The following GRIP1 variants were observed in gnomAD, a reference collection of about 807,000 sequenced individuals.
GRIP1 encodes glutamate receptor-interacting protein 1.
GRIP1 carries 45 observed loss-of-function variants against 129.9 expected under a neutral mutation model. The ratio of observed to expected loss-of-function variants is 0.35; its 90% CI spans 0.27 to 0.44. The LOEUF (loss-of-function observed/expected upper bound fraction) is 0.44. GRIP1 is among the 20% of genes least tolerant of loss of function. GRIP1 has a pLI of 1.00. For missense variants in GRIP1, 1,196 were observed against 1,396.8 expected, an observed-to-expected ratio of 0.86 and a Z score of 2.29; for synonymous variants, 530 against 520.8, an observed-to-expected ratio of 1.02 and a Z score of -0.24.
intron 1 of GRIP1, among the ~76,000 whole-genome samples, chr12:66,923,492 A>G (rs899272433): frequency 6.6e-6 from 1 of 152,144 alleles, no homozygotes; most frequent in Non-Finnish European, 1.5e-5. Flanking sequence ...CTCCTACTCA[A>G]CAAGAGTTCT....
intron 1 of GRIP1, among the ~76,000 whole-genome samples, chr12:66,685,745 C>T (rs192557965): frequency 5.6e-4 from 86 of 152,256 alleles, no homozygotes; most frequent in African/African-American, 2.0e-3. Flanking sequence ...GACAGTACTC[C>T]CTCCATACCC....
At chr12:66,978,756 T>C (rs1216959490) in intron 1 of GRIP1, among the ~76,000 whole-genome samples, 1 of 152,176 alleles carries the variant, frequency 6.6e-6, no homozygotes, top group African/African-American at 2.4e-5. Flanking sequence ...AACAAAAAAC[T>C]ATTTTAAAAA....
chr12:66,781,271 A>G (rs963412164), intron 1 of GRIP1, among the ~76,000 whole-genome samples: 2 of 152,160 alleles, frequency 1.3e-5, no homozygotes, highest in African/African-American at 2.4e-5. Flanking sequence ...CTTGCTTTCA[A>G]TGGCATCTCT....
At chr12:66,763,116 A>G (rs2037524702) in intron 1 of GRIP1, among the ~76,000 whole-genome samples, 1 of 152,176 alleles carries the variant, frequency 6.6e-6, no homozygotes. Flanking sequence ...TAAAAAATTT[A>G]TAATTTAAAA....
At chr12:66,517,703 G>A (rs1172673110) in intron 6 of GRIP1, among the ~76,000 whole-genome samples, 198 bp downstream of exon 6, 1 of 151,996 alleles carries the variant, frequency 6.6e-6, no homozygotes, top group Non-Finnish European at 1.5e-5. Flanking sequence ...ACTTGACAAA[G>A]ATATAGTAAG....
intron 1 of GRIP1, among the ~76,000 whole-genome samples, chr12:66,641,332 C>A (rs1209830092): frequency 6.9e-6 from 1 of 145,606 alleles, no homozygotes; most frequent in Admixed American, 6.7e-5. Context: ...TTTGACAAAA[C>A]CATGTGGGAC....
chr12:67,046,433 C>T (rs932812652), intron 1 of GRIP1, among the ~76,000 whole-genome samples: 2 of 152,178 alleles, frequency 1.3e-5, no homozygotes, highest in South Asian at 2.1e-4. Context: ...GGGCTTTTTG[C>T]TCTACTAGTA....
chr12:66,359,363 ACT>A (rs1475892230), intron 23 of GRIP1, among the ~76,000 whole-genome samples: 1 of 151,952 alleles, frequency 6.6e-6, no homozygotes, highest in African/African-American at 2.4e-5. Flanking sequence ...GTTCTTCATG[ACT>A]CTATTGGCCT....
intron 1 of GRIP1, among the ~76,000 whole-genome samples, chr12:66,813,707 G>A (rs79112778): frequency 0.03 from 4,500 of 152,228 alleles, 74 homozygotes; most frequent in Middle Eastern, 0.1. Context: ...ATTGTGCCAG[G>A]GACAGGAAGG....
chr12:66,582,223 A>T (rs11176283), intron 2 of GRIP1, among the ~76,000 whole-genome samples: 21,797 of 145,440 alleles, frequency 0.15, 1,775 homozygotes, highest in Non-Finnish European at 0.17. Flanking sequence ...TGCTAAAAAC[A>T]CTCAATAAAT....
chr12:66,459,053 T>A (rs2059055566), intron 9 of GRIP1, among the ~76,000 whole-genome samples: 1 of 152,258 alleles, frequency 6.6e-6, no homozygotes, highest in Non-Finnish European at 1.5e-5. Flanking sequence ...TTTTAATGTT[T>A]GTCTGTCTGT....
intron 1 of GRIP1, among the ~76,000 whole-genome samples, chr12:66,702,344 T>C (rs1258590349): frequency 6.6e-6 from 1 of 152,198 alleles, no homozygotes; most frequent in Non-Finnish European, 1.5e-5. Context: ...GCTCTAGAAT[T>C]ATATTTCCTC....
upstream of GRIP1, chr12:67,069,222 G>A (rs1197158695): frequency 2.8e-5 from 15 of 544,880 alleles, no homozygotes; most frequent in Admixed American, 1.3e-4. Flanking sequence ...GGGCTGTTCA[G>A]CGGGGCTGGG....
Position 66,377,276 on chromosome 12 carries a change from C to T in GRIP1, c.2631G>A (p.Gly877=). 2 of 1,607,674 alleles carry T rather than the reference C, an allele frequency of 1.2e-6. No individual in the cohort carries two copies. The highest frequency in any genetic ancestry group is 1.7e-6 in the Non-Finnish European group (2 of 1,174,146). The change falls in exon 21 of 25, where the codon GGG becomes GGA. Residue 877 remains glycine (G), a synonymous_variant. Coordinates refer to ENST00000359742, the MANE Select transcript of GRIP1 (RefSeq NM_001366722.1). ...GTTCTGTCTCTGCACTATCGGCAGC[C>T]CCTGCAAAACTGTTGTCAAGAAACA... ...WDRSTASGFA[G]AADSAETEQE...
intron 1 of GRIP1, among the ~76,000 whole-genome samples, chr12:66,948,715 G>C (rs1048852207): frequency 6.6e-6 from 1 of 152,062 alleles, no homozygotes; most frequent in Non-Finnish European, 1.5e-5. Context: ...GCTTTGAACT[G>C]GGTTCCAAAG....
intron 11 of GRIP1, among the ~76,000 whole-genome samples, chr12:66,450,515 T>G (rs12582720): frequency 0.25 from 38,130 of 151,104 alleles, 5,049 homozygotes; most frequent in Middle Eastern, 0.42. Context: ...TTATTAAATT[T>G]ATAAGCTCTA....
intron 2 of GRIP1, among the ~76,000 whole-genome samples, chr12:66,590,182 C>A (rs529821193): frequency 9.9e-5 from 15 of 152,244 alleles, no homozygotes; most frequent in African/African-American, 3.4e-4. Flanking sequence ...TCTCCTGTGA[C>A]AAAGGGGTAC....
At chr12:66,622,438 C>T (rs1292404558) in intron 1 of GRIP1, among the ~76,000 whole-genome samples, 3 of 151,606 alleles carry the variant, frequency 2.0e-5, no homozygotes, top group Non-Finnish European at 4.4e-5. Flanking sequence ...GGATTGTTTG[C>T]AACACAAAAA....
At position 66,761,128 on chromosome 12, in the gene GRIP1, G is replaced by A. The variant is rs560551104; in HGVS notation, c.-420+42925C>T. Among the ~76,000 whole-genome samples the A allele has an allele frequency of 8.6e-5, 13 of 151,896 alleles. No homozygotes were observed. In the South Asian group the frequency reaches 2.7e-3, roughly 32 times the overall value. On this transcript the variant is annotated intron_variant, in intron 1 of 4. Transcript: ENST00000538373. ...CTTCTATCCCATTCTTTCCTTTTCA[G>A]CTCTCCCTACCCCTTCCTGCTTGAC...
Sources: gnomAD v4.1 joint callset for allele counts (sites outside exome capture counted in the v4.1 genomes callset) on GRCh38, gnomAD v4.1.1 for gene constraint, MANE v1.5 for transcripts, NCBI Gene and HGNC (gene_info 2026-07-23, HGNC 2026-07-21) for gene names.